ALG13: variants seen among roughly 807,000 people sequenced by gnomAD.
ALG13 encodes ALG13 UDP-N-acetylglucosaminyltransferase subunit, also known as UDP-N-acetylglucosamine transferase subunit ALG13.
A neutral mutation model predicts 87.8 loss-of-function variants in ALG13; 11 were observed. That is an observed-to-expected ratio of 0.13 (90% CI 0.08 to 0.21). The LOEUF (loss-of-function observed/expected upper bound fraction) is 0.21. Ranked by LOEUF, ALG13 falls within the 10% of genes least tolerant of loss-of-function variation. ALG13 has a pLI of 1.00. For synonymous variants in ALG13, 320 were observed against 306.3 expected (o/e 1.04, Z -0.47); for missense variants, 756 against 866.1 (o/e 0.87, Z 1.60).
intron 3 of ALG13, among the ~76,000 whole-genome samples, chrX:111,697,170 T>G (rs1484465938): frequency 9.0e-6 from 1 of 111,315 alleles, no homozygotes; most frequent in East Asian, 2.8e-4. Flanking sequence ...TCTCAAACTT[T>G]GAAACATTAA....
intron 19 of ALG13, among the ~76,000 whole-genome samples, chrX:111,729,990 A>G (rs1942496980): frequency 8.9e-6 from 1 of 112,253 alleles, no homozygotes; most frequent in Non-Finnish European, 1.9e-5. Context: ...CTGTTACTCC[A>G]TTTTACAGTG....
At chrX:111,738,588 G>T (rs1943454516) in intron 23 of ALG13, among the ~76,000 whole-genome samples, 1 of 111,618 alleles carries the variant, frequency 9.0e-6, no homozygotes, top group Non-Finnish European at 1.9e-5. Context: ...ACCAAGGCTG[G>T]AGTGCAGTGA....
chrX:111,704,750 AG>A (rs1341123922), intron 3 of ALG13, among the ~76,000 whole-genome samples: 2 of 111,825 alleles, frequency 1.8e-5, no homozygotes, highest in Non-Finnish European at 3.8e-5. Flanking sequence ...AATGTTCTAA[AG>A]TTGATTATGG....
chrX:111,719,813 G>GGA (rs1275366312), intron 10 of ALG13, among the ~76,000 whole-genome samples: 1 of 111,831 alleles, frequency 8.9e-6, no homozygotes, highest in Non-Finnish European at 1.9e-5. Flanking sequence ...AGGCAGCAGA[G>GGA]GAGAGAGAGA....
At chrX:111,681,537 C>T (rs914173170) in intron 1 of ALG13, 2 of 981,974 alleles carry the variant, frequency 2.0e-6, no homozygotes, top group Non-Finnish European at 2.6e-6. Context: ...CGCTCCTCTC[C>T]CTCATTTCTT....
chrX:111,707,289 CATTTAA>C (rs1178138105), intron 3 of ALG13, among the ~76,000 whole-genome samples: 1 of 112,380 alleles, frequency 8.9e-6, no homozygotes, highest in Non-Finnish European at 1.9e-5. Flanking sequence ...ATGCTGCTTC[CATTTAA>C]ATTTTTATTT....
At chrX:111,755,263 T>G (rs1452663813) in intron 25 of ALG13, among the ~76,000 whole-genome samples, 2 of 111,885 alleles carry the variant, frequency 1.8e-5, no homozygotes, top group Non-Finnish European at 3.8e-5. Context: ...TCCTTACATC[T>G]TATACAAAAA....
chrX:111,730,965 T>C (rs1263166497), intron 21 of ALG13, among the ~76,000 whole-genome samples: 3 of 112,234 alleles, frequency 2.7e-5, no homozygotes, highest in Admixed American at 1.9e-4. Flanking sequence ...TAAAATTCGG[T>C]AAATGGTGCA....
At chrX:111,717,765 A>G (rs1330621210) in intron 8 of ALG13, 81 bp from the exon 9 acceptor site, 2 of 690,825 alleles carry the variant, frequency 2.9e-6, no homozygotes, top group East Asian at 3.6e-5. Context: ...TACTGACTCA[A>G]TTTCAAGTTA....
chrX:111,712,571 T>C (rs1939956623), intron 7 of ALG13, 41 bp downstream of exon 7: 1 of 852,126 alleles, frequency 1.2e-6, no homozygotes, highest in Admixed American at 2.8e-5. Flanking sequence ...GGTATGTGCA[T>C]GCATGTGTGT....
At chrX:111,713,321 C>G in intron 8 of ALG13, 24 bp downstream of exon 8, 1 of 1,042,021 alleles carries the variant, frequency 9.6e-7, no homozygotes, top group South Asian at 2.0e-5. Flanking sequence ...TGAATGTTGA[C>G]TTATATAAAA....
intron 24 of ALG13, among the ~76,000 whole-genome samples, chrX:111,750,786 G>C (rs1944660082): frequency 9.1e-6 from 1 of 109,836 alleles, no homozygotes; most frequent in Admixed American, 9.9e-5. Context: ...TCCTGCCTCA[G>C]CCTCCCAAGT....
chrX:111,697,941 C>A (rs1169630284), intron 3 of ALG13, among the ~76,000 whole-genome samples: 4 of 111,744 alleles, frequency 3.6e-5, no homozygotes, highest in Non-Finnish European at 5.7e-5. Context: ...TACTTGTTTT[C>A]CCAGTTTATG....
chrX:111,742,853 T>A (rs1417146644), intron 23 of ALG13, among the ~76,000 whole-genome samples: 1 of 112,520 alleles, frequency 8.9e-6, no homozygotes, highest in Admixed American at 9.4e-5. Context: ...GCATTCTGAA[T>A]GCATTACGTT....
At chrX:111,753,111 A>G (rs769680122) in intron 25 of ALG13, 3 of 206,130 alleles carry the variant, frequency 1.5e-5, no homozygotes, top group Non-Finnish European at 1.8e-5. Flanking sequence ...TTAACATTAC[A>G]TGCTAACTTT....
intron 23 of ALG13, among the ~76,000 whole-genome samples, chrX:111,738,682 C>G (rs1397375169): frequency 9.1e-6 from 1 of 110,332 alleles, no homozygotes; most frequent in African/African-American, 3.3e-5. Flanking sequence ...GGACTATAGG[C>G]ACACGCCACC....
At chrX:111,689,902 C>A (rs1430516028) in intron 3 of ALG13, 13 of 752,000 alleles carry the variant, frequency 1.7e-5, no homozygotes, top group African/African-American at 2.3e-5. Context: ...AGGAATTTCA[C>A]ACTTAACTGG....
intron 3 of ALG13, among the ~76,000 whole-genome samples, chrX:111,706,236 A>G (rs1938738636): frequency 8.9e-6 from 1 of 111,770 alleles, no homozygotes; most frequent in East Asian, 2.8e-4. Flanking sequence ...TCACCGTGTT[A>G]GGCAGGATAG....
At chrX:111,740,348 A>C (rs934005429) in intron 23 of ALG13, among the ~76,000 whole-genome samples, 1 of 111,137 alleles carries the variant, frequency 9.0e-6, no homozygotes, top group African/African-American at 3.3e-5. Flanking sequence ...AAAAAAGGTA[A>C]TGCAGATGTT....
Sources: gnomAD v4.1 joint callset for allele counts (sites outside exome capture counted in the v4.1 genomes callset) on GRCh38, gnomAD v4.1.1 for gene constraint, MANE v1.5 for transcripts, NCBI Gene and HGNC (gene_info 2026-07-23, HGNC 2026-07-21) for gene names.